Variants in MCEE observed in about 807,000 individuals in gnomAD.
MCEE encodes methylmalonyl-CoA epimerase, mitochondrial.
MCEE carries 6 observed loss-of-function variants against 12.9 expected under a neutral mutation model. The observed-to-expected ratio is 0.47, with a 90% CI of 0.26 to 0.92. MCEE has a LOEUF of 0.92. Ranked by LOEUF, MCEE falls within the 40% of genes least tolerant of loss-of-function variation. MCEE has a pLI of 0.16. For synonymous variants in MCEE, 78 were observed against 77.9 expected, an observed-to-expected ratio of 1.00 and a Z score of -0.01; for missense variants, 214 against 212.1, an observed-to-expected ratio of 1.01 and a Z score of -0.05.
At chr2:71,114,055 A>G (rs1274865508) in intron 2 of MCEE, among the ~76,000 whole-genome samples, 3 of 152,342 alleles carry the variant, frequency 2.0e-5, no homozygotes, top group African/African-American at 7.2e-5. Flanking sequence ...AGGTCATCAG[A>G]AACAAGGAAA....
intron 2 of MCEE, among the ~76,000 whole-genome samples, chr2:71,112,582 T>C (rs1572885658): frequency 6.6e-6 from 1 of 151,378 alleles, no homozygotes; most frequent in Non-Finnish European, 1.5e-5. Context: ...ATTATAGGCA[T>C]GTGCCACCAT....
chr2:71,121,154 A>G (rs1363243647), intron 2 of MCEE, among the ~76,000 whole-genome samples: 1 of 152,200 alleles, frequency 6.6e-6, no homozygotes, highest in Admixed American at 6.5e-5. Flanking sequence ...ATAACTGCCT[A>G]GCTAGAGACT....
chr2:71,109,803 A>ATATT lies in MCEE; in HGVS notation c.*163_*166dup. ...ATGTTTGTTAATCTAAATAATATAC[A>ATATT]TATTTATGTATTTATATATGTATAT... On this transcript the variant is annotated 3_prime_UTR_variant, in exon 3 of 3. Transcript: ENST00000244217. 1 of 420,176 alleles carries ATATT rather than the reference A, an allele frequency of 2.4e-6. No individual in the cohort carries two copies. The highest frequency in any genetic ancestry group is 4.8e-5 in the South Asian group (1 of 20,708). The allele number at this position is 420,176 out of a possible 1,614,324, so 26.0% of individuals were successfully genotyped here.
chr2:71,124,623 T>C, intron 1 of MCEE, 80 bp from the exon 2 acceptor site: 1 of 1,048,852 alleles, frequency 9.5e-7, no homozygotes, highest in Admixed American at 1.8e-5. Context: ...ACTAAACAAA[T>C]AATGCATGCA....
chr2:71,119,935 C>T (rs954181755), intron 2 of MCEE, among the ~76,000 whole-genome samples: 4 of 149,340 alleles, frequency 2.7e-5, no homozygotes, highest in African/African-American at 7.7e-5. Flanking sequence ...TGCCTGTAGC[C>T]GTAGCTACTC....
intron 2 of MCEE, 107 bp from the exon 3 acceptor site, chr2:71,110,229 C>T: frequency 1.1e-6 from 1 of 913,480 alleles, no homozygotes; most frequent in Non-Finnish European, 1.7e-6. Context: ...TCTATCTCCT[C>T]TGCCTGTGGG....
intron 1 of MCEE, among the ~76,000 whole-genome samples, chr2:71,126,649 G>A (rs1441482213): frequency 6.9e-6 from 1 of 144,270 alleles, no homozygotes; most frequent in Non-Finnish European, 1.5e-5. Context: ...ACTGGGTAGA[G>A]AACACTGAAT....
At chr2:71,127,937 T>C (rs926239722) in intron 1 of MCEE, among the ~76,000 whole-genome samples, 1 of 152,230 alleles carries the variant, frequency 6.6e-6, no homozygotes, top group Non-Finnish European at 1.5e-5. Flanking sequence ...AACATAAGTC[T>C]GAATTTTCAC....
chr2:71,116,422 T>G (rs1017628366), intron 2 of MCEE, among the ~76,000 whole-genome samples: 4 of 150,128 alleles, frequency 2.7e-5, no homozygotes, highest in Non-Finnish European at 1.5e-5. Flanking sequence ...TTTCTTTCTT[T>G]CTTTCTTTTT....
intron 1 of MCEE, among the ~76,000 whole-genome samples, chr2:71,125,212 T>TA (rs1553440375): frequency 0.014 from 455 of 33,534 alleles, 6 homozygotes; most frequent in South Asian, 0.055. Context: ...TATATATATA[T>TA]TTTTTTTTTT....
intron 2 of MCEE, among the ~76,000 whole-genome samples, chr2:71,120,842 A>C (rs1673086054): frequency 6.6e-6 from 1 of 151,766 alleles, no homozygotes; most frequent in Non-Finnish European, 1.5e-5. Context: ...GGTTCAAACG[A>C]TTCTCCTGCC....
intron 2 of MCEE, among the ~76,000 whole-genome samples, chr2:71,113,771 C>T (rs143321641): frequency 6.6e-6 from 1 of 152,228 alleles, no homozygotes; most frequent in Non-Finnish European, 1.5e-5. Context: ...ATAATGACTT[C>T]CTTCCAAAAG....
At chr2:71,126,341 C>T (rs1673231843) in intron 1 of MCEE, among the ~76,000 whole-genome samples, 1 of 152,078 alleles carries the variant, frequency 6.6e-6, no homozygotes, top group African/African-American at 2.4e-5. Flanking sequence ...GATTCTCCTG[C>T]CTCAGTCTCC....
chr2:71,112,916 T>C (rs1381681422), intron 2 of MCEE, among the ~76,000 whole-genome samples: 1 of 152,258 alleles, frequency 6.6e-6, no homozygotes, highest in Middle Eastern at 3.2e-3. Flanking sequence ...CTTTTGACCA[T>C]GTCCTACATC....
intron 1 of MCEE, among the ~76,000 whole-genome samples, chr2:71,125,209 A>ACATTTTTTTT (rs1673196116): frequency 2.1e-5 from 1 of 48,166 alleles, no homozygotes; most frequent in Admixed American, 3.2e-4. Flanking sequence ...ATATATATAT[A>ACATTTTTTTT]TATTTTTTTT....
intron 2 of MCEE, among the ~76,000 whole-genome samples, chr2:71,111,185 A>G (rs1369384630): frequency 6.6e-6 from 1 of 152,132 alleles, no homozygotes; most frequent in African/African-American, 2.4e-5. Flanking sequence ...AACCTCATAG[A>G]TATGTCAAAG....
At chr2:71,117,868 A>G (rs554121730) in intron 2 of MCEE, among the ~76,000 whole-genome samples, 2 of 149,580 alleles carry the variant, frequency 1.3e-5, no homozygotes, top group South Asian at 2.1e-4. Flanking sequence ...ACCGGTCCCT[A>G]TGATTCTGCA....
intron 2 of MCEE, among the ~76,000 whole-genome samples, chr2:71,120,251 A>G (rs1673072638): frequency 6.7e-6 from 1 of 150,212 alleles, no homozygotes; most frequent in African/African-American, 2.5e-5. Flanking sequence ...ACTGTGACAC[A>G]CTGTGCTGTC....
At chr2:71,125,532 G>A (rs1405154452) in intron 1 of MCEE, among the ~76,000 whole-genome samples, 1 of 151,808 alleles carries the variant, frequency 6.6e-6, no homozygotes, top group Non-Finnish European at 1.5e-5. Flanking sequence ...TAGTAGAGAT[G>A]GGGTTTCACC....
Sources: allele counts gnomAD v4.1 joint callset (sites outside exome capture counted in the v4.1 genomes callset), GRCh38; gene constraint gnomAD v4.1.1; transcripts MANE v1.5; gene names NCBI Gene and HGNC (gene_info 2026-07-23, HGNC 2026-07-21).